The following DNAJC1 variants were observed in gnomAD, a reference collection of about 807,000 sequenced individuals.
DNAJC1 encodes DnaJ heat shock protein family (Hsp40) member C1.
A neutral mutation model predicts 76.6 loss-of-function variants in DNAJC1; 58 were observed. That is an observed-to-expected ratio of 0.76 (90% confidence interval 0.61 to 0.94). The LOEUF (loss-of-function observed/expected upper bound fraction) is 0.94. DNAJC1 is among the 40% of genes least tolerant of loss of function. The pLI is 0.00. For synonymous variants in DNAJC1, 258 were observed against 267.9 expected (o/e 0.96, Z 0.36); for missense variants, 689 against 677.3 (o/e 1.02, Z -0.19).
At chr10:21,988,013 T>G (rs1290365815) in intron 1 of DNAJC1, among the ~76,000 whole-genome samples, 1 of 152,156 alleles carries the variant, frequency 6.6e-6, no homozygotes, top group East Asian at 1.9e-4. Context: ...TTCACATATA[T>G]TACTACTGAT....
At position 21,781,582 on chromosome 10, in the gene DNAJC1, G is replaced by A. The variant is rs184682526; in HGVS notation, c.1099-15273C>T. On this transcript the variant is annotated intron_variant, in intron 9 of 11. Coordinates refer to ENST00000376980, the MANE Select transcript of DNAJC1 (RefSeq NM_022365.4). Reference sequence around the variant, plus strand: ...TAAAAATACAAAACATTAGCCGGGCGTGGTGGTGGGTGCCTGTAGTCCCAG... The same window carrying A: ...TAAAAATACAAAACATTAGCCGGGCATGGTGGTGGGTGCCTGTAGTCCCAG... Among the ~76,000 whole-genome samples the A allele has an allele frequency of 1.0e-2, 1,514 of 152,024 alleles. 24 individuals carry two copies. Among genetic ancestry groups the A allele is most frequent in the African/African-American group, 0.034 (1,419 of 41,454 alleles).
At chr10:21,995,271 A>T (rs2131850679) in intron 1 of DNAJC1, among the ~76,000 whole-genome samples, 1 of 152,268 alleles carries the variant, frequency 6.6e-6, no homozygotes, top group South Asian at 2.1e-4. Flanking sequence ...AGATTTCTTC[A>T]TGGTCTATTC....
At chr10:21,852,392 C>A (rs566724856) in intron 8 of DNAJC1, among the ~76,000 whole-genome samples, 2 of 152,164 alleles carry the variant, frequency 1.3e-5, no homozygotes, top group African/African-American at 4.8e-5. Flanking sequence ...TGGAGCTAGA[C>A]AGAGGTGGTG....
intron 9 of DNAJC1, among the ~76,000 whole-genome samples, chr10:21,775,527 C>A (rs1834443530): frequency 6.6e-6 from 1 of 151,872 alleles, no homozygotes; most frequent in Non-Finnish European, 1.5e-5. Context: ...AGCTCAATGC[C>A]TAGGGTGACT....
At chr10:21,826,814 T>C (rs1265568260) in intron 8 of DNAJC1, among the ~76,000 whole-genome samples, 1 of 152,252 alleles carries the variant, frequency 6.6e-6, no homozygotes, top group African/African-American at 2.4e-5. Context: ...TGACCATATA[T>C]GCAAGGATTT....
chr10:21,759,381 T>C lies in DNAJC1; in HGVS notation c.1385A>G (p.Lys462Arg), dbSNP rs774679019. 1.2e-6 allele frequency: 2 copies of C among 1,614,236 alleles called. No homozygotes were observed. The highest frequency in any genetic ancestry group is 1.1e-5 in the South Asian group (1 of 91,088). The change falls in exon 11 of 12, where the codon AAG (lysine) becomes AGG (arginine). Residue 462 changes from lysine to arginine, a missense_variant. Physicochemically the swap from Lys to Arg is conservative, Grantham distance 26. Transcript: ENST00000376980. ...GTCCTTCTGCCGCTTGGCTCTGGAC[T>C]TCTCCTCTGGCTCCGGCTTCGCTGT... Reference protein sequence around the residue: ...EATAKPEPEEKSRAKRQKDFD... With the variant: ...EATAKPEPEERSRAKRQKDFD...
At chr10:21,792,931 C>T (rs1589982493) in intron 9 of DNAJC1, among the ~76,000 whole-genome samples, 2 of 151,968 alleles carry the variant, frequency 1.3e-5, no homozygotes, top group Non-Finnish European at 2.9e-5. Flanking sequence ...ATAGATGAAG[C>T]AAAATCATGT....
At chr10:21,790,197 A>C (rs1834666800) in intron 9 of DNAJC1, among the ~76,000 whole-genome samples, 1 of 151,574 alleles carries the variant, frequency 6.6e-6, no homozygotes, top group African/African-American at 2.4e-5. Context: ...AGACACCATT[A>C]AGTGAACAAG....
At chr10:21,838,158 C>T (rs1274199331) in intron 8 of DNAJC1, among the ~76,000 whole-genome samples, 24 of 152,062 alleles carry the variant, frequency 1.6e-4, no homozygotes, top group South Asian at 1.2e-3. Flanking sequence ...GCCAAGATGA[C>T]GATGGCGGTT....
intron 8 of DNAJC1, among the ~76,000 whole-genome samples, chr10:21,846,660 C>T (rs565126582): frequency 5.9e-5 from 9 of 152,006 alleles, no homozygotes; most frequent in East Asian, 3.9e-4. Flanking sequence ...AGAGTATTAG[C>T]GAGATGGAAG....
intron 7 of DNAJC1, among the ~76,000 whole-genome samples, chr10:21,883,108 C>T (rs1836308886): frequency 6.6e-6 from 1 of 151,912 alleles, no homozygotes. Context: ...AAATTAGCTG[C>T]GTGTGGTGGT....
intron 7 of DNAJC1, among the ~76,000 whole-genome samples, chr10:21,898,941 T>G (rs1252010835): frequency 2.0e-5 from 3 of 151,678 alleles, no homozygotes; most frequent in African/African-American, 7.3e-5. Flanking sequence ...AACTGAAATA[T>G]CCCGGTTCTC....
intron 8 of DNAJC1, among the ~76,000 whole-genome samples, chr10:21,843,368 T>G (rs543922346): frequency 6.6e-6 from 1 of 152,052 alleles, no homozygotes; most frequent in South Asian, 2.1e-4. Context: ...CAGATTTAAT[T>G]AGTACATTTA....
intron 8 of DNAJC1, among the ~76,000 whole-genome samples, chr10:21,833,486 A>G (rs1228530682): frequency 1.3e-5 from 2 of 152,166 alleles, no homozygotes; most frequent in Non-Finnish European, 2.9e-5. Context: ...ATAAAATAAA[A>G]ATAAATAAAT....
intron 1 of DNAJC1, among the ~76,000 whole-genome samples, chr10:21,968,865 G>T (rs1273203181): frequency 6.6e-6 from 1 of 152,036 alleles, no homozygotes; most frequent in African/African-American, 2.4e-5. Context: ...ATAATAAGTG[G>T]CAATAACAAG....
chr10:21,973,246 T>C (rs1838008298), intron 1 of DNAJC1, among the ~76,000 whole-genome samples: 1 of 152,182 alleles, frequency 6.6e-6, no homozygotes. Flanking sequence ...CTTTCCTATG[T>C]GACTCCTGAA....
At chr10:21,930,011 T>C (rs1395583120) in intron 1 of DNAJC1, among the ~76,000 whole-genome samples, 1 of 152,226 alleles carries the variant, frequency 6.6e-6, no homozygotes, top group African/African-American at 2.4e-5. Flanking sequence ...AGTCTGATTC[T>C]ACCACCCAGG....
intron 1 of DNAJC1, among the ~76,000 whole-genome samples, chr10:21,976,427 A>G (rs1838063365): frequency 6.6e-6 from 1 of 152,206 alleles, no homozygotes; most frequent in Admixed American, 6.5e-5. Context: ...TAACTGTTAC[A>G]CTGTCTTTTC....
At chr10:21,993,715 A>G (rs1838365649) in intron 1 of DNAJC1, among the ~76,000 whole-genome samples, 1 of 152,110 alleles carries the variant, frequency 6.6e-6, no homozygotes, top group Admixed American at 6.6e-5. Flanking sequence ...TATCTCTAAC[A>G]TTATTCTAAT....
Sources: allele counts gnomAD v4.1 joint callset (sites outside exome capture counted in the v4.1 genomes callset), GRCh38; gene constraint gnomAD v4.1.1; transcripts MANE v1.5; gene names NCBI Gene and HGNC (gene_info 2026-07-23, HGNC 2026-07-21).